Variants in MACROD2 observed in about 807,000 individuals in gnomAD.
MACROD2 encodes ADP-ribose glycohydrolase MACROD2.
In MACROD2, 36 loss-of-function variants were observed where a neutral mutation model predicts 70.4. The ratio of observed to expected loss-of-function variants is 0.51; its 90% CI spans 0.39 to 0.68. MACROD2 has a LOEUF of 0.68. Ranked by LOEUF, MACROD2 falls within the 30% of genes least tolerant of loss-of-function variation. MACROD2 has a pLI of 0.00. For synonymous variants in MACROD2, 172 were observed against 178.8 expected, an observed-to-expected ratio of 0.96 and a Z score of 0.30; for missense variants, 496 against 538.4, an observed-to-expected ratio of 0.92 and a Z score of 0.78.
intron 12 of MACROD2, among the ~76,000 whole-genome samples, chr20:15,960,889 T>C (rs2066050790): frequency 6.6e-6 from 1 of 152,174 alleles, no homozygotes; most frequent in South Asian, 2.1e-4. Flanking sequence ...GGGCTGTTTT[T>C]GTTCTCACTA....
At chr20:15,441,489 T>G (rs1331387247) in intron 7 of MACROD2, among the ~76,000 whole-genome samples, 2 of 152,166 alleles carry the variant, frequency 1.3e-5, no homozygotes, top group Non-Finnish European at 2.9e-5. Context: ...AGTGTCAGTC[T>G]TCCTGATGTT....
chr20:14,634,405 T>C (rs985754763), intron 4 of MACROD2, among the ~76,000 whole-genome samples: 1 of 152,356 alleles, frequency 6.6e-6, no homozygotes, highest in Admixed American at 6.5e-5. Context: ...CCACTGGAAG[T>C]AATTTGCTGT....
chr20:15,761,528 G>C (rs1393991942), intron 8 of MACROD2, among the ~76,000 whole-genome samples: 1 of 152,112 alleles, frequency 6.6e-6, no homozygotes, highest in East Asian at 1.9e-4. Context: ...GGAGAAAAAG[G>C]CTATTAAAGC....
In MACROD2 at chr20:15,530,546, C is replaced by T. The variant is rs182079877; in HGVS notation, c.645+30699C>T. Among the ~76,000 whole-genome samples, 577 of 151,834 alleles carry T rather than the reference C, an allele frequency of 3.8e-3. 9 individuals are homozygous for T. The highest frequency in any genetic ancestry group is 3.7e-3 in the Non-Finnish European group (249 of 67,954). On this transcript the variant is annotated intron_variant, in intron 8 of 17. Coordinates refer to ENST00000684519, the MANE Select transcript of MACROD2 (RefSeq NM_001351661.2). ...AGGAAATCGAGACCATCCTGGCTAACACGGTGAAAACCCGTCTCTACTAAA... is the reference window on the plus strand; with the variant it reads ...AGGAAATCGAGACCATCCTGGCTAATACGGTGAAAACCCGTCTCTACTAAA...
intron 5 of MACROD2, among the ~76,000 whole-genome samples, chr20:14,817,837 T>G (rs554023702): frequency 6.6e-6 from 1 of 152,212 alleles, no homozygotes; most frequent in South Asian, 2.1e-4. Context: ...GAAGAAGATG[T>G]GATGTCCCTG....
At chr20:15,259,612 T>C (rs1263488671) in intron 6 of MACROD2, among the ~76,000 whole-genome samples, 1 of 152,056 alleles carries the variant, frequency 6.6e-6, no homozygotes, top group Non-Finnish European at 1.5e-5. Flanking sequence ...GAATTTAAAC[T>C]CTTTCAGAGG....
chr20:14,629,687 T>C (rs1441266012), intron 4 of MACROD2, among the ~76,000 whole-genome samples: 1 of 152,196 alleles, frequency 6.6e-6, no homozygotes, highest in African/African-American at 2.4e-5. Flanking sequence ...CTTCTAAAGG[T>C]ATAACATCTG....
At chr20:14,601,418 C>T (rs949366869) in intron 4 of MACROD2, among the ~76,000 whole-genome samples, 7 of 152,126 alleles carry the variant, frequency 4.6e-5, no homozygotes, top group African/African-American at 1.7e-4. Flanking sequence ...ACTGGCCATT[C>T]ACCTTCTGCT....
chr20:15,642,478 C>G (rs1232941085), intron 8 of MACROD2, among the ~76,000 whole-genome samples: 1 of 151,930 alleles, frequency 6.6e-6, no homozygotes, highest in Non-Finnish European at 1.5e-5. Flanking sequence ...TAAGGAATGT[C>G]TATGCCCGGT....
At chr20:14,699,333 G>T (rs931775871) in intron 5 of MACROD2, among the ~76,000 whole-genome samples, 1 of 152,186 alleles carries the variant, frequency 6.6e-6, no homozygotes, top group African/African-American at 2.4e-5. Context: ...CTTAAATGTT[G>T]TAAATGTGTT....
intron 7 of MACROD2, among the ~76,000 whole-genome samples, chr20:15,454,064 G>T (rs2146399011): frequency 6.6e-6 from 1 of 152,236 alleles, no homozygotes; most frequent in Non-Finnish European, 1.5e-5. Context: ...AAGCTAAACG[G>T]TTGGGAAGGT....
At chr20:14,768,016 A>T (rs2072114532) in intron 5 of MACROD2, among the ~76,000 whole-genome samples, 1 of 151,814 alleles carries the variant, frequency 6.6e-6, no homozygotes, top group Non-Finnish European at 1.5e-5. Context: ...TATGTGCCAC[A>T]TTTTCTTAAT....
chr20:14,337,400 T>A, intron 3 of MACROD2: 37 of 282,546 alleles, frequency 1.3e-4, no homozygotes, highest in Non-Finnish European at 1.8e-4. Flanking sequence ...TGGAAAACAC[T>A]TACCAGGAAG....
intron 8 of MACROD2, among the ~76,000 whole-genome samples, chr20:15,504,509 A>G (rs1184493332): frequency 1.3e-5 from 2 of 152,210 alleles, no homozygotes; most frequent in Non-Finnish European, 2.9e-5. Flanking sequence ...GAACCGAATT[A>G]TTGCTATGAG....
intron 5 of MACROD2, among the ~76,000 whole-genome samples, chr20:14,824,047 C>A (rs1047426569): frequency 6.6e-6 from 1 of 152,038 alleles, no homozygotes; most frequent in Admixed American, 6.6e-5. Flanking sequence ...AATACCAAAG[C>A]CAAACACATA....
intron 3 of MACROD2, among the ~76,000 whole-genome samples, chr20:14,283,843 A>G (rs2122416926): frequency 6.6e-6 from 1 of 152,254 alleles, no homozygotes; most frequent in South Asian, 2.1e-4. Flanking sequence ...CAGTCTTCAA[A>G]TTGCTTTTCC....
rs562236219 is a variant in MACROD2 at position 14,448,585 on chromosome 20, G to C, written c.272-44894G>C. Among the ~76,000 whole-genome samples the C allele has an allele frequency of 3.7e-4, 56 of 151,938 alleles. No individual in the cohort carries two copies. In the South Asian group the frequency reaches 6.5e-3, roughly 18 times the overall value. The stretch of plus-strand genomic sequence containing the variant: ...CCAGCTACTCAGGAGGCTGATGCAG[G>C]AGAATGTCTTTAATCTGGGAGGCAG... On this transcript the variant is annotated intron_variant, in intron 3 of 17. Coordinates refer to ENST00000684519, the MANE Select transcript of MACROD2 (RefSeq NM_001351661.2).
At chr20:15,892,029 A>T (rs1009714365) in intron 10 of MACROD2, among the ~76,000 whole-genome samples, 4 of 152,200 alleles carry the variant, frequency 2.6e-5, no homozygotes, top group African/African-American at 9.6e-5. Context: ...GAGGGATACA[A>T]CCAGCTCATG....
At chr20:14,834,775 T>C (rs530526118) in intron 5 of MACROD2, among the ~76,000 whole-genome samples, 1 of 152,076 alleles carries the variant, frequency 6.6e-6, no homozygotes, top group South Asian at 2.1e-4. Context: ...TAATAGAAAT[T>C]AGGTAGTGAT....
Sources: gnomAD v4.1 joint callset for allele counts (sites outside exome capture counted in the v4.1 genomes callset) on GRCh38, gnomAD v4.1.1 for gene constraint, MANE v1.5 for transcripts, NCBI Gene and HGNC (gene_info 2026-07-23, HGNC 2026-07-21) for gene names.